DPP6: variants seen among roughly 807,000 people sequenced by gnomAD.
DPP6 encodes the protein dipeptidyl peptidase like 6, also known as A-type potassium channel modulatory protein DPP6.
DPP6 carries 69 observed loss-of-function variants against 122.6 expected under a neutral mutation model. The observed-to-expected ratio is 0.56, with a 90% CI of 0.46 to 0.69. The LOEUF (loss-of-function observed/expected upper bound fraction) is 0.69, where lower values mean the gene tolerates loss of function less well. Among genes scored for constraint, DPP6 ranks in the 30% least tolerant of loss-of-function variants. The pLI is 0.00. For missense variants in DPP6, 928 were observed against 1,116.9 expected, an observed-to-expected ratio of 0.83 and a Z score of 2.41; for synonymous variants, 418 against 433.1, an observed-to-expected ratio of 0.97 and a Z score of 0.43.
At chr7:154,429,463 G>A (rs567034517) in intron 1 of DPP6, among the ~76,000 whole-genome samples, 23 of 152,320 alleles carry the variant, frequency 1.5e-4, no homozygotes, top group African/African-American at 5.5e-4. Flanking sequence ...TTTCTTGATT[G>A]TTGGAGTTGG....
chr7:154,547,078 C>A (rs1346918232), intron 4 of DPP6, among the ~76,000 whole-genome samples: 1 of 152,216 alleles, frequency 6.6e-6, no homozygotes, highest in African/African-American at 2.4e-5. Context: ...GATGTTCTGA[C>A]AGGTGTCATC....
At chr7:153,791,166 T>C in the DPP6 span, among the ~76,000 whole-genome samples, 1 of 152,190 alleles carries the variant, frequency 6.6e-6, no homozygotes, top group African/African-American at 2.4e-5. Context: ...TGGGGTTTCA[T>C]TGATACTCTT....
intron 1 of DPP6, among the ~76,000 whole-genome samples, chr7:154,252,044 G>T (rs1230111063): frequency 6.6e-6 from 1 of 152,236 alleles, no homozygotes; most frequent in Non-Finnish European, 1.5e-5. Context: ...ATATGTAGAA[G>T]CCAAGGCTTG....
At chr7:154,489,938 A>G (rs1009191261) in intron 3 of DPP6, among the ~76,000 whole-genome samples, 1 of 152,198 alleles carries the variant, frequency 6.6e-6, no homozygotes, top group Admixed American at 6.5e-5. Flanking sequence ...CGACATGTGC[A>G]TTCATTTTCT....
At chr7:154,014,354 CGTT>C in intron 1 of DPP6, among the ~76,000 whole-genome samples, 1 of 144,046 alleles carries the variant, frequency 6.9e-6, no homozygotes, top group Non-Finnish European at 1.5e-5. Flanking sequence ...TTCACTACCT[CGTT>C]GTTCTGGTCA....
chr7:154,285,639 T>G (rs1804801924), intron 1 of DPP6, among the ~76,000 whole-genome samples: 1 of 152,216 alleles, frequency 6.6e-6, no homozygotes, highest in South Asian at 2.1e-4. Context: ...AGGAAACGGT[T>G]TAAAAATATG....
intron 1 of DPP6, among the ~76,000 whole-genome samples, chr7:154,387,003 C>T (rs1814172742): frequency 6.6e-6 from 1 of 152,036 alleles, no homozygotes; most frequent in Admixed American, 6.6e-5. Context: ...GGGGCTTTTC[C>T]AGAGTGAGGT....
chr7:154,819,062 G>A (rs1325626902), intron 16 of DPP6, among the ~76,000 whole-genome samples: 1 of 152,184 alleles, frequency 6.6e-6, no homozygotes, highest in Non-Finnish European at 1.5e-5. Flanking sequence ...CCTGGTACGA[G>A]TGTGCCTTTC....
chr7:153,777,142 C>T, the DPP6 span, among the ~76,000 whole-genome samples: 1 of 152,152 alleles, frequency 6.6e-6, no homozygotes, highest in Admixed American at 6.5e-5. Flanking sequence ...TTCTCAATAT[C>T]ATTAGTCATT....
In DPP6 at chr7:154,371,378, CAAAAAAAAAAA is replaced by C. The variant is rs1167770083; in HGVS notation, c.244-74820_244-74810del. ...TGGGAGACAGAGTGAAACTCTGTCTCAAAAAAAAAAAAAAAAAAAAAAAAAAGAAAGAAAGA... is the reference window on the plus strand; with the variant it reads ...TGGGAGACAGAGTGAAACTCTGTCTCAAAAAAAAAAAAAAAGAAAGAAAGA... On this transcript the variant is annotated intron_variant, in intron 1 of 25. Coordinates refer to ENST00000377770, the MANE Select transcript of DPP6 (RefSeq NM_130797.4). Among the ~76,000 whole-genome samples, 2 of 47,704 alleles carry C rather than the reference CAAAAAAAAAAA, an allele frequency of 4.2e-5. 1 individual carries two copies. The highest frequency in any genetic ancestry group is 6.6e-5 in the Non-Finnish European group (2 of 30,488). The allele number at this position is 47,704 out of a possible 152,430, so 31.3% of individuals were successfully genotyped here.
intron 1 of DPP6, among the ~76,000 whole-genome samples, chr7:154,272,639 C>A (rs546454479): frequency 1.3e-5 from 2 of 152,184 alleles, no homozygotes; most frequent in East Asian, 3.9e-4. Flanking sequence ...TAGGGGGACT[C>A]CATTAGCCCC....
At chr7:154,017,747 AT>A (rs1237662112) in intron 1 of DPP6, among the ~76,000 whole-genome samples, 4 of 150,678 alleles carry the variant, frequency 2.7e-5, no homozygotes, top group African/African-American at 9.7e-5. Flanking sequence ...AAAAAGAAAA[AT>A]ATAAAGAAAG....
chr7:154,597,609 T>TTAA (rs71184010), intron 5 of DPP6, among the ~76,000 whole-genome samples: 85,232 of 147,380 alleles, frequency 0.58, 24,568 homozygotes, highest in East Asian at 0.67. Flanking sequence ...TGAGACTCCA[T>TTAA]AAAAAAAAAA....
At chr7:154,510,512 A>G (rs533175084) in intron 3 of DPP6, among the ~76,000 whole-genome samples, 36 of 152,216 alleles carry the variant, frequency 2.4e-4, no homozygotes, top group African/African-American at 8.4e-4. Context: ...AGCCTGGCCA[A>G]CATAGTGAAA....
chr7:153,841,848 G>C, the DPP6 span, among the ~76,000 whole-genome samples: 1 of 152,230 alleles, frequency 6.6e-6, no homozygotes, highest in Non-Finnish European at 1.5e-5. Context: ...CTAGCAGTCA[G>C]TTGACATGGT....
chr7:154,028,904 C>T (rs1351836733), intron 1 of DPP6, among the ~76,000 whole-genome samples: 1 of 151,976 alleles, frequency 6.6e-6, no homozygotes, highest in Admixed American at 6.6e-5. Flanking sequence ...ATGCCCACAA[C>T]TCTGGCCTTA....
intron 8 of DPP6, among the ~76,000 whole-genome samples, chr7:154,736,759 C>T (rs1330570103): frequency 6.6e-6 from 1 of 152,212 alleles, no homozygotes; most frequent in Non-Finnish European, 1.5e-5. Flanking sequence ...TCCCATAACA[C>T]CAGTGACTCT....
chr7:153,811,016 G>A, the DPP6 span, among the ~76,000 whole-genome samples: 2 of 151,768 alleles, frequency 1.3e-5, no homozygotes, highest in Non-Finnish European at 2.9e-5. Flanking sequence ...GCGGCAAACA[G>A]GAATCTTGCT....
chr7:154,376,153 T>C (rs927739346), intron 1 of DPP6, among the ~76,000 whole-genome samples: 2 of 152,150 alleles, frequency 1.3e-5, no homozygotes, highest in African/African-American at 4.8e-5. Context: ...CATTGGGTAA[T>C]TTGCTGGCCA....
Sources: allele counts gnomAD v4.1 joint callset (sites outside exome capture counted in the v4.1 genomes callset), GRCh38; gene constraint gnomAD v4.1.1; transcripts MANE v1.5; gene names NCBI Gene and HGNC (gene_info 2026-07-23, HGNC 2026-07-21).